Variants in CFI observed in about 807,000 individuals in gnomAD.
CFI encodes C3B/C4B inactivator.
In CFI, 66 loss-of-function variants were observed where a neutral mutation model predicts 78.8. The ratio of observed to expected loss-of-function variants is 0.84; its 90% confidence interval spans 0.69 to 1.03. CFI has a LOEUF of 1.03. CFI is among the 50% of genes least tolerant of loss of function. CFI has a pLI of 0.00. For missense variants in CFI, 706 were observed against 704.5 expected (o/e 1.00, Z -0.02); for synonymous variants, 250 against 232.6 (o/e 1.07, Z -0.68).
chr4:109,738,089 C>G (rs1458878322), downstream of CFI, among the ~76,000 whole-genome samples: 3 of 151,252 alleles, frequency 2.0e-5, no homozygotes, highest in Non-Finnish European at 2.9e-5. Flanking sequence ...GGGTTTCCCA[C>G]CTTGTAGCAC....
chr4:109,762,940 T>G (rs1438581294), intron 3 of CFI, among the ~76,000 whole-genome samples: 1 of 152,186 alleles, frequency 6.6e-6, no homozygotes, highest in African/African-American at 2.4e-5. Flanking sequence ...AATCTACCAG[T>G]AGGTTGAACC....
downstream of CFI, among the ~76,000 whole-genome samples, chr4:109,738,445 T>A (rs774984444): frequency 1.2e-4 from 19 of 152,166 alleles, no homozygotes; most frequent in Middle Eastern, 3.2e-3. Context: ...ACAGACATAT[T>A]CTAAGGTGCT....
At chr4:109,757,672 C>A in intron 7 of CFI, 91 bp downstream of exon 7, 1 of 824,310 alleles carries the variant, frequency 1.2e-6, no homozygotes, top group Non-Finnish European at 2.0e-6. Flanking sequence ...TCATATCATG[C>A]TCCATTAACA....
rs376492761 is a variant in CFI, at chr4:109,779,239, G to A, written c.58-12415C>T. ...GATTGTATATTTAGAAAACCCCATC[G>A]TCTCAGCCCGAAATCTCCTTAAGCT... is the stretch of plus-strand genomic sequence containing the variant. On this transcript the variant is annotated intron_variant, in intron 1 of 12. Transcript: ENST00000394634. Among the ~76,000 whole-genome samples, 354 of 152,196 alleles carry A rather than the reference G, an allele frequency of 2.3e-3. 1 individual carries two copies. The highest frequency in any genetic ancestry group is 7.5e-3 in the African/African-American group (310 of 41,526).
intron 1 of CFI, among the ~76,000 whole-genome samples, chr4:109,768,278 C>CAAAAAA (rs59449659): frequency 1.1e-5 from 1 of 87,120 alleles, no homozygotes; most frequent in African/African-American, 4.5e-5. Flanking sequence ...ACTTAAAGTA[C>CAAAAAA]AAAAAAAAAA....
At chr4:109,756,909 GA>G (rs1554028244) in intron 7 of CFI, among the ~76,000 whole-genome samples, 2 of 77,146 alleles carry the variant, frequency 2.6e-5, no homozygotes, top group Non-Finnish European at 5.6e-5. Flanking sequence ...AAGAAAGAAA[GA>G]AAGAAAGAAA....
chr4:109,780,473 C>T (rs1299083864), intron 1 of CFI, among the ~76,000 whole-genome samples: 7 of 151,964 alleles, frequency 4.6e-5, no homozygotes, highest in East Asian at 1.9e-4. Flanking sequence ...GTTAGAATGG[C>T]GATCATTAAA....
At chr4:109,741,756 A>T (rs1181348917) in intron 12 of CFI, 1 of 155,358 alleles carries the variant, frequency 6.4e-6, no homozygotes, top group Admixed American at 6.2e-5. Context: ...AGATTTTTAA[A>T]TCACTGTAAC....
intron 1 of CFI, among the ~76,000 whole-genome samples, chr4:109,789,182 T>A (rs1315900910): frequency 6.6e-6 from 1 of 151,852 alleles, no homozygotes; most frequent in African/African-American, 2.4e-5. Flanking sequence ...AATTAAAGAA[T>A]AGAGTATAAA....
At chr4:109,750,296 A>G (rs1724991977) in intron 8 of CFI, among the ~76,000 whole-genome samples, 2 of 152,060 alleles carry the variant, frequency 1.3e-5, no homozygotes, top group Non-Finnish European at 2.9e-5. Flanking sequence ...ACGCCCAGCC[A>G]TAGTTTTTAT....
chr4:109,734,837 T>G, the CFI span, among the ~76,000 whole-genome samples: 7 of 152,138 alleles, frequency 4.6e-5, no homozygotes, highest in African/African-American at 1.4e-4. Flanking sequence ...GCAATTACAG[T>G]GAATATCAAA....
chr4:109,746,095 G>T, intron 11 of CFI, 127 bp downstream of exon 11: 1 of 1,150,484 alleles, frequency 8.7e-7, no homozygotes, highest in Non-Finnish European at 1.3e-6. Flanking sequence ...AGCCATGGCT[G>T]GATGTTTACT....
intron 10 of CFI, among the ~76,000 whole-genome samples, chr4:109,748,080 T>C (rs1158520373): frequency 6.6e-6 from 1 of 152,148 alleles, no homozygotes; most frequent in Admixed American, 6.5e-5. Flanking sequence ...TCAAACAGCA[T>C]TAACTGAACA....
At chr4:109,740,034 A>G (rs541687523), downstream of CFI, among the ~76,000 whole-genome samples, 2 of 152,254 alleles carry the variant, frequency 1.3e-5, no homozygotes, top group South Asian at 4.1e-4. Flanking sequence ...TGGCTCACGC[A>G]TGTTATCCCA....
intron 1 of CFI, among the ~76,000 whole-genome samples, chr4:109,777,281 C>T (rs572546435): frequency 6.6e-6 from 1 of 152,192 alleles, no homozygotes; most frequent in East Asian, 1.9e-4. Flanking sequence ...GGAGGAAGAT[C>T]TACCAAGAAA....
At position 109,767,476 on chromosome 4, in the gene CFI, T is replaced by C. The variant is rs578041257; in HGVS notation, c.58-652A>G. 1.9e-3 allele frequency among the ~76,000 whole-genome samples: 286 copies of C among 151,818 alleles called. 1 individual carries two copies. The highest frequency in any genetic ancestry group is 6.5e-3 in the African/African-American group (271 of 41,402). On this transcript the variant is annotated intron_variant, in intron 1 of 12. Coordinates refer to ENST00000394634, the MANE Select transcript of CFI (RefSeq NM_000204.5). ...CCCATCAAAAAGTGGGCAAAGGATA[T>C]GAACAGACATTTCTCAAAAGAAGAC... is the stretch of plus-strand genomic sequence containing the variant.
At chr4:109,746,964 T>A (rs961897863) in intron 10 of CFI, among the ~76,000 whole-genome samples, 1 of 152,200 alleles carries the variant, frequency 6.6e-6, no homozygotes, top group Non-Finnish European at 1.5e-5. Context: ...ACTAACTTTA[T>A]CCTAACATTG....
Position 109,746,216 on chromosome 4 carries a change from A to G in CFI, c.1429+6T>C. The G allele has an allele frequency of 1.9e-6, 3 of 1,614,090 alleles. No individual in the cohort carries two copies. Among genetic ancestry groups the G allele is most frequent in the African/African-American group, 2.7e-5 (2 of 75,038 alleles). On this transcript the variant is annotated splice_donor_region_variant and intron_variant, in intron 11 of 12. Transcript: ENST00000394634. ...GCTTCTGATTAACAAACTGTAAAAC[A>G]TATACCTTTTTCTCGTCCCCAGCCA...
At chr4:109,752,077 G>A (rs1471898813) in intron 8 of CFI, among the ~76,000 whole-genome samples, 1 of 152,144 alleles carries the variant, frequency 6.6e-6, no homozygotes, top group Non-Finnish European at 1.5e-5. Flanking sequence ...TTAAAACATT[G>A]TGAAAGAATG....
Sources: allele counts gnomAD v4.1 joint callset (sites outside exome capture counted in the v4.1 genomes callset), GRCh38; gene constraint gnomAD v4.1.1; transcripts MANE v1.5; gene names NCBI Gene and HGNC (gene_info 2026-07-23, HGNC 2026-07-21).